DIP2B: variants seen among roughly 807,000 people sequenced by gnomAD.
DIP2B encodes disco-interacting protein 2 homolog B.
DIP2B carries 76 observed loss-of-function variants against 198.0 expected under a neutral mutation model. The ratio of observed to expected loss-of-function variants is 0.38; its 90% CI spans 0.32 to 0.46. The LOEUF (loss-of-function observed/expected upper bound fraction) is 0.46, where lower values mean the gene tolerates loss of function less well. Among genes scored for constraint, DIP2B ranks in the 20% least tolerant of loss-of-function variants. The pLI is 0.99. For missense variants in DIP2B, 1,559 were observed against 1,978.4 expected (o/e 0.79, Z 4.02); for synonymous variants, 701 against 739.1 (o/e 0.95, Z 0.84).
chr12:50,597,272 A>G (rs564035427), intron 1 of DIP2B, among the ~76,000 whole-genome samples: 1 of 152,384 alleles, frequency 6.6e-6, no homozygotes, highest in South Asian at 2.1e-4. Context: ...ATTTGACAAC[A>G]TAACTACTTA....
At position 50,516,245 on chromosome 12, in the gene DIP2B, CTA is replaced by C. The variant is rs755181388; in HGVS notation, c.100+11007_100+11008del. Among the ~76,000 whole-genome samples, 7 of 140,784 alleles carry C rather than the reference CTA, an allele frequency of 5.0e-5. No homozygotes were observed. In the East Asian group the frequency reaches 8.5e-4, roughly 17 times the overall value. 92.4% of individuals were successfully genotyped at this position (140,784 alleles called of 152,430 possible). ...TCTCTCTCTCTCTCTCTCTCTCTCT[CTA>C]TCTCTATCTCTATCTCTATCTCTAT... is the stretch of plus-strand genomic sequence containing the variant. On this transcript the variant is annotated intron_variant, in intron 1 of 37. Transcript: ENST00000301180.
At chr12:50,622,161 A>G (rs1441189388) in intron 1 of DIP2B, among the ~76,000 whole-genome samples, 1 of 152,150 alleles carries the variant, frequency 6.6e-6, no homozygotes, top group Non-Finnish European at 1.5e-5. Flanking sequence ...GAACAGAAGA[A>G]TGCTTTGGTA....
At chr12:50,545,406 C>T (rs1465901489) in intron 1 of DIP2B, among the ~76,000 whole-genome samples, 4 of 148,908 alleles carry the variant, frequency 2.7e-5, no homozygotes, top group African/African-American at 5.0e-5. Flanking sequence ...CCCTCCCCTC[C>T]GTTCTGTCAC....
intron 29 of DIP2B, 92 bp downstream of exon 29, chr12:50,727,904 AC>A: frequency 9.4e-7 from 1 of 1,058,218 alleles, no homozygotes; most frequent in Non-Finnish European, 1.4e-6. Flanking sequence ...AAGTGGTTGT[AC>A]CAGAGACCGG....
intron 1 of DIP2B, among the ~76,000 whole-genome samples, chr12:50,528,708 A>G (rs1026324891): frequency 6.6e-6 from 1 of 152,208 alleles, no homozygotes; most frequent in African/African-American, 2.4e-5. Flanking sequence ...TTCTGATAGA[A>G]TCCTAAGAAA....
Position 50,695,295 on chromosome 12 carries a change from G to C in DIP2B, c.1748G>C (p.Ser583Thr). 1 of 1,613,718 alleles carries C rather than the reference G, an allele frequency of 6.2e-7. No homozygotes were observed. Among genetic ancestry groups the C allele is most frequent in the South Asian group, 1.1e-5 (1 of 91,010 alleles). The stretch of plus-strand genomic sequence containing the variant: ...GTAATGAATAAGATGCACACAATCA[G>C]CGTACCCTACTCTGTTATGAAAACC... ...ANVMNKMHTI[S>T]VPYSVMKTCP... Residue 583 changes from serine to threonine, a missense_variant, in exon 15 of 38, where the codon AGC (serine) becomes ACC (threonine). Coordinates refer to ENST00000301180, the MANE Select transcript of DIP2B (RefSeq NM_173602.3).
At chr12:50,633,780 A>G (rs1166448916) in intron 2 of DIP2B, among the ~76,000 whole-genome samples, 2 of 152,064 alleles carry the variant, frequency 1.3e-5, no homozygotes, top group Non-Finnish European at 2.9e-5. Context: ...AATAAGAAAA[A>G]CTAACTTAAT....
At chr12:50,584,674 CT>C (rs1195307435) in intron 1 of DIP2B, among the ~76,000 whole-genome samples, 2 of 152,178 alleles carry the variant, frequency 1.3e-5, no homozygotes, top group Admixed American at 1.3e-4. Flanking sequence ...AGCGATTCTC[CT>C]GCCTCAGCCT....
intron 1 of DIP2B, among the ~76,000 whole-genome samples, chr12:50,552,960 C>A (rs1016733424): frequency 8.5e-5 from 13 of 152,162 alleles, no homozygotes; most frequent in Admixed American, 7.2e-4. Context: ...CTCAGCCTCC[C>A]GAGTAGCTGG....
chr12:50,625,308 T>G (rs1937911400), intron 1 of DIP2B, among the ~76,000 whole-genome samples: 1 of 152,204 alleles, frequency 6.6e-6, no homozygotes, highest in Admixed American at 6.5e-5. Context: ...CCACTTCAAC[T>G]ACAGATTTTC....
At chr12:50,695,196 T>G (rs34553264) in intron 14 of DIP2B, 71 bp from the exon 15 acceptor site, 420,262 of 1,254,022 alleles carry the variant, frequency 0.34, 72,372 homozygotes, top group Middle Eastern at 0.36. Flanking sequence ...GCTAACAAAA[T>G]ACCAGCTCAA....
At chr12:50,705,156 A>G (rs929062982) in intron 20 of DIP2B, among the ~76,000 whole-genome samples, 3 of 152,134 alleles carry the variant, frequency 2.0e-5, no homozygotes, top group African/African-American at 7.2e-5. Context: ...AGTAATAGTC[A>G]TTATTCCTAG....
intron 23 of DIP2B, among the ~76,000 whole-genome samples, chr12:50,716,865 C>T (rs1341684884): frequency 3.3e-5 from 5 of 150,334 alleles, no homozygotes; most frequent in East Asian, 3.9e-4. Context: ...TGGGCTCCCC[C>T]GTTTATTTTG....
intron 1 of DIP2B, among the ~76,000 whole-genome samples, chr12:50,600,583 C>A (rs192113184): frequency 6.6e-6 from 1 of 152,246 alleles, no homozygotes; most frequent in South Asian, 2.1e-4. Flanking sequence ...GGAAAACATT[C>A]ACTTATCTAC....
chr12:50,717,576 C>CA (rs1939752098), intron 23 of DIP2B, among the ~76,000 whole-genome samples: 8 of 151,638 alleles, frequency 5.3e-5, no homozygotes, highest in Non-Finnish European at 1.2e-4. Context: ...ACCGCGTTAG[C>CA]CGGGATGGTC....
intron 1 of DIP2B, among the ~76,000 whole-genome samples, chr12:50,526,261 A>T (rs2139358147): frequency 6.6e-6 from 1 of 151,650 alleles, no homozygotes; most frequent in South Asian, 2.1e-4. Flanking sequence ...AAGGATGGGG[A>T]CCCCTGTGGA....
chr12:50,651,152 A>C (rs1320689372), intron 3 of DIP2B, among the ~76,000 whole-genome samples: 1 of 152,174 alleles, frequency 6.6e-6, no homozygotes, highest in Admixed American at 6.5e-5. Context: ...ATGTCTATTC[A>C]AGTTCTTTGC....
intron 1 of DIP2B, among the ~76,000 whole-genome samples, chr12:50,542,836 GTGT>G (rs1046751935): frequency 6.6e-6 from 1 of 152,074 alleles, no homozygotes. Context: ...GTTGTTTCTT[GTGT>G]TGTTTATTCT....
intron 7 of DIP2B, among the ~76,000 whole-genome samples, chr12:50,677,789 A>G (rs912172675): frequency 6.6e-6 from 1 of 152,116 alleles, no homozygotes; most frequent in African/African-American, 2.4e-5. Flanking sequence ...ACACACAACC[A>G]AATTCAGTCC....
Sources: gnomAD v4.1 joint callset for allele counts (sites outside exome capture counted in the v4.1 genomes callset) on GRCh38, gnomAD v4.1.1 for gene constraint, MANE v1.5 for transcripts, NCBI Gene and HGNC (gene_info 2026-07-23, HGNC 2026-07-21) for gene names.